Variants in WDR27 observed in about 807,000 individuals in gnomAD.
The protein encoded by WDR27 is WD repeat-containing protein 27.
Under a neutral mutation model 114.4 loss-of-function variants are expected in WDR27, and 100 were observed. The ratio of observed to expected loss-of-function variants is 0.87; its 90% CI spans 0.74 to 1.03. The LOEUF is 1.03. WDR27 is among the 50% of genes least tolerant of loss of function. The pLI is 0.00. For missense variants in WDR27, 1,129 were observed against 1,092.9 expected (o/e 1.03, Z -0.47); for synonymous variants, 449 against 423.1 (o/e 1.06, Z -0.75).
intron 25 of WDR27, among the ~76,000 whole-genome samples, chr6:169,461,611 G>A (rs1257093651): frequency 6.7e-6 from 1 of 148,788 alleles, no homozygotes; most frequent in African/African-American, 2.5e-5. Flanking sequence ...CAAGAGCAAT[G>A]TTAAGGGGGG....
the WDR27 span, among the ~76,000 whole-genome samples, chr6:169,440,993 T>A: frequency 6.6e-6 from 1 of 152,108 alleles, no homozygotes; most frequent in South Asian, 2.1e-4. Flanking sequence ...TTTTCTTGTA[T>A]TTTGCTCTTG....
At chr6:169,647,955 T>A in intron 15 of WDR27, 85 bp from the exon 16 acceptor site, 1 of 925,832 alleles carries the variant, frequency 1.1e-6, no homozygotes. Flanking sequence ...CGAAGTGGGC[T>A]TCCCCCCATC....
intron 24 of WDR27, among the ~76,000 whole-genome samples, chr6:169,578,401 G>A (rs1208111618): frequency 6.6e-6 from 1 of 152,164 alleles, no homozygotes; most frequent in East Asian, 1.9e-4. Context: ...ACACGGCCTA[G>A]GTTTTGGATG....
At chr6:169,625,344 C>G (rs1208912359) in intron 21 of WDR27, among the ~76,000 whole-genome samples, 2 of 152,238 alleles carry the variant, frequency 1.3e-5, no homozygotes, top group Non-Finnish European at 2.9e-5. Flanking sequence ...TCCGACTGCA[C>G]TGATGAGCCC....
chr6:169,694,708 G>A (rs59170938), intron 1 of WDR27, among the ~76,000 whole-genome samples: 4,581 of 152,342 alleles, frequency 0.03, 132 homozygotes, highest in South Asian at 0.15. Flanking sequence ...CACCGACACC[G>A]TCAGGACGGC....
chr6:169,434,993 C>T, the WDR27 span, among the ~76,000 whole-genome samples: 2 of 152,202 alleles, frequency 1.3e-5, no homozygotes, highest in Non-Finnish European at 2.9e-5. Flanking sequence ...ATGGGCTGGG[C>T]CCAGGGCACC....
At chr6:169,687,436 C>G (rs1345289686) in intron 2 of WDR27, among the ~76,000 whole-genome samples, 2 of 151,988 alleles carry the variant, frequency 1.3e-5, no homozygotes, top group East Asian at 1.9e-4. Context: ...GATTTGAAAA[C>G]ATATATCACA....
chr6:169,623,065 C>T (rs551778168), intron 21 of WDR27, among the ~76,000 whole-genome samples: 1 of 152,218 alleles, frequency 6.6e-6, no homozygotes, highest in South Asian at 2.1e-4. Flanking sequence ...CCACCCCTAC[C>T]CAAAATTGCT....
intron 2 of WDR27, among the ~76,000 whole-genome samples, chr6:169,677,080 C>A (rs960070996): frequency 6.6e-6 from 1 of 152,102 alleles, no homozygotes; most frequent in Non-Finnish European, 1.5e-5. Flanking sequence ...TACCTAAAAA[C>A]GTGGAAGTGG....
intron 1 of WDR27, among the ~76,000 whole-genome samples, chr6:169,697,975 T>C (rs999220392): frequency 6.6e-6 from 1 of 152,194 alleles, no homozygotes; most frequent in African/African-American, 2.4e-5. Flanking sequence ...GGCTGGTCCC[T>C]ACAGGCAGAA....
intron 21 of WDR27, among the ~76,000 whole-genome samples, chr6:169,628,111 A>G (rs1229962372): frequency 6.6e-6 from 1 of 152,100 alleles, no homozygotes; most frequent in Non-Finnish European, 1.5e-5. Flanking sequence ...TGATTAGGTC[A>G]TGAGAGTGGA....
intron 25 of WDR27, among the ~76,000 whole-genome samples, chr6:169,468,317 A>G (rs1288311927): frequency 6.6e-6 from 1 of 152,198 alleles, no homozygotes; most frequent in African/African-American, 2.4e-5. Flanking sequence ...CACAGTTTCA[A>G]AGTTGCTGTA....
chr6:169,502,479 T>C, intron 25 of WDR27, among the ~76,000 whole-genome samples: 1 of 152,212 alleles, frequency 6.6e-6, no homozygotes, highest in Non-Finnish European at 1.5e-5. Context: ...CTTCCGGGTC[T>C]GTAGGTCGTA....
intron 25 of WDR27, among the ~76,000 whole-genome samples, chr6:169,482,529 C>T (rs543611828): frequency 2.6e-5 from 4 of 152,110 alleles, no homozygotes; most frequent in Non-Finnish European, 5.9e-5. Flanking sequence ...ATGCTGAGCA[C>T]AAAGCAAGTT....
At chr6:169,473,286 G>A (rs905577353) in intron 25 of WDR27, among the ~76,000 whole-genome samples, 10 of 152,210 alleles carry the variant, frequency 6.6e-5, no homozygotes, top group African/African-American at 2.4e-4. Context: ...CATCCCCAGA[G>A]GCAAGTGCGC....
intron 25 of WDR27, among the ~76,000 whole-genome samples, chr6:169,472,618 TGATA>T (rs971664131): frequency 2.0e-5 from 3 of 152,128 alleles, no homozygotes; most frequent in African/African-American, 7.2e-5. Flanking sequence ...ATTAAACAAA[TGATA>T]GATATAGATA....
chr6:169,515,183 C>G (rs1009614725), intron 25 of WDR27, among the ~76,000 whole-genome samples: 2 of 151,834 alleles, frequency 1.3e-5, no homozygotes, highest in African/African-American at 2.4e-5. Flanking sequence ...TAGCTATGAC[C>G]CACCGAGTCC....
intron 25 of WDR27, among the ~76,000 whole-genome samples, chr6:169,498,933 G>C (rs961998124): frequency 3.9e-5 from 6 of 152,130 alleles, no homozygotes; most frequent in African/African-American, 1.4e-4. Flanking sequence ...TAATAATACT[G>C]CACGGAACTG....
the WDR27 span, among the ~76,000 whole-genome samples, chr6:169,432,358 C>T: frequency 6.6e-6 from 1 of 152,220 alleles, no homozygotes. Flanking sequence ...CTGACTCAAA[C>T]AGCTTTACCA....
Sources: allele counts gnomAD v4.1 joint callset (sites outside exome capture counted in the v4.1 genomes callset), GRCh38; gene constraint gnomAD v4.1.1; transcripts MANE v1.5; gene names NCBI Gene and HGNC (gene_info 2026-07-23, HGNC 2026-07-21).